The following FRMD7 variants were observed in gnomAD, a reference collection of about 807,000 sequenced individuals.
FRMD7 encodes FERM domain-containing protein 7.
Under a neutral mutation model 44.1 loss-of-function variants are expected in FRMD7, and 14 were observed. The observed-to-expected ratio is 0.32, with a 90% confidence interval of 0.21 to 0.50. The LOEUF is 0.50. FRMD7 is among the 20% of genes least tolerant of loss of function. The pLI is 0.99. For missense variants in FRMD7, 501 were observed against 522.3 expected (o/e 0.96, Z 0.40); for synonymous variants, 212 against 187.4 (o/e 1.13, Z -1.07).
At chrX:132,090,076 T>C (rs943372347) in intron 5 of FRMD7, among the ~76,000 whole-genome samples, 2 of 111,717 alleles carry the variant, frequency 1.8e-5, no homozygotes, top group African/African-American at 6.5e-5. Flanking sequence ...CACGACCAGG[T>C]GAATAGATAA....
chrX:132,127,946 C>T lies in FRMD7; in HGVS notation c.-102G>A, dbSNP rs1057515773. ...GATGTGGTGCACTCGGGCCCCCCCA[C>T]CCCCAGCCAGGCATTCCCACTGTCA... is the stretch of plus-strand genomic sequence containing the variant. On this transcript the variant is annotated 5_prime_UTR_variant, in exon 1 of 12. The change creates a new upstream start codon in the 5' untranslated region. Coordinates refer to ENST00000298542, the MANE Select transcript of FRMD7 (RefSeq NM_194277.3). 9.7e-5 allele frequency: 66 copies of T among 682,466 alleles called. No individual in the cohort carries two copies. The South Asian group carries it at 1.4e-3, about 15-fold the overall frequency. The allele number at this position is 682,466 out of a possible 1,213,427, so 56.2% of individuals were successfully genotyped here. A position where few individuals can be genotyped will look rare whatever the true frequency, so the allele number is the denominator to read the frequency against.
chrX:132,110,833 G>C (rs985860280), intron 1 of FRMD7, among the ~76,000 whole-genome samples: 5 of 112,485 alleles, frequency 4.4e-5, no homozygotes, highest in Admixed American at 1.9e-4. Context: ...CTTTCTGCTG[G>C]CATTAACTTA....
Position 132,085,737 on chromosome X carries a change from G to A in FRMD7, c.498-9C>T. On this transcript the variant is annotated splice_polypyrimidine_tract_variant and intron_variant, in intron 6 of 11. Transcript: ENST00000298542. ...CAGCTGGGCTCCTGCCACTGAAAGG[G>A]GAAAGAATTTATGAGCCTAATAAAT... 1 of 1,205,965 alleles carries A rather than the reference G, an allele frequency of 8.3e-7. No individual in the cohort carries two copies. Among genetic ancestry groups the A allele is most frequent in the Non-Finnish European group, 1.1e-6 (1 of 890,355 alleles).
chrX:132,084,095 T>C (rs1330949317), intron 8 of FRMD7, among the ~76,000 whole-genome samples: 2 of 111,637 alleles, frequency 1.8e-5, no homozygotes, highest in Non-Finnish European at 3.8e-5. Flanking sequence ...ATACTAGGTG[T>C]TCAATAATTT....
At position 132,077,994 on chromosome X, in the gene FRMD7, C is replaced by T. The variant is rs748600073; in HGVS notation, c.2023G>A (p.Ala675Thr). ...CTACCAGAAGACAGGCGGATTCTGG[C>T]CATGGGTGACCTTATTTCTTTGCCA... Reference protein sequence around the residue: ...LYGKEIRSPMARIRLSSGSLQ... With the variant: ...LYGKEIRSPMTRIRLSSGSLQ... The change falls in exon 12 of 12, where the codon GCC becomes ACC. Residue 675 changes from alanine to threonine, a missense_variant. Physicochemically the swap from Ala to Thr is moderately conservative, Grantham distance 58. Around this residue, in one of 3 missense-constraint regions of FRMD7, gnomAD observed 453 missense variants for 452.7 expected, o/e 1.00. Transcript: ENST00000298542. 56 of 1,208,321 alleles carry T rather than the reference C, an allele frequency of 4.6e-5. No homozygotes were observed. In the Admixed American group the frequency reaches 1.2e-3, roughly 26 times the overall value.
At chrX:132,126,390 A>G (rs767425109) in intron 1 of FRMD7, among the ~76,000 whole-genome samples, 1 of 111,778 alleles carries the variant, frequency 8.9e-6, no homozygotes, top group African/African-American at 3.3e-5. Context: ...TTTGACTTGA[A>G]GCCAAATCAA....
At chrX:132,122,670 T>C (rs752888564) in intron 1 of FRMD7, among the ~76,000 whole-genome samples, 157 of 112,457 alleles carry the variant, frequency 1.4e-3, no homozygotes, top group Admixed American at 2.1e-3. Context: ...AATATCGATG[T>C]TTGGGCATAT....
chrX:132,127,453 G>A (rs1929183539), intron 1 of FRMD7, among the ~76,000 whole-genome samples: 1 of 111,995 alleles, frequency 8.9e-6, no homozygotes, highest in African/African-American at 3.2e-5. Context: ...CTCATGGGGT[G>A]AGACCCACAG....
intron 5 of FRMD7, among the ~76,000 whole-genome samples, chrX:132,091,237 C>G (rs1157080351): frequency 9.0e-6 from 1 of 111,113 alleles, no homozygotes; most frequent in Admixed American, 9.6e-5. Context: ...CCTCAGTCTC[C>G]CAAAGTGCTG....
chrX:132,107,827 TTTTGTTACCATA>T (rs1367778598), intron 1 of FRMD7, among the ~76,000 whole-genome samples: 2 of 111,881 alleles, frequency 1.8e-5, no homozygotes, highest in African/African-American at 6.5e-5. Flanking sequence ...GATGGTCCAC[TTTTGTTACCATA>T]TTTGCTTTTT....
intron 1 of FRMD7, among the ~76,000 whole-genome samples, chrX:132,107,123 A>G (rs1928666214): frequency 8.9e-6 from 1 of 112,326 alleles, no homozygotes; most frequent in Admixed American, 9.5e-5. Context: ...TCAGGAAAAG[A>G]TAGATTGGAA....
At position 132,078,240 on chromosome X, in the gene FRMD7, G is replaced by A. The variant is rs773063259; in HGVS notation, c.1777C>T (p.Gln593Ter). 1 of 1,211,248 alleles carries A rather than the reference G, an allele frequency of 8.3e-7. No individual in the cohort carries two copies. The highest frequency in any genetic ancestry group is 1.1e-6 in the Non-Finnish European group (1 of 894,941). The change falls in exon 12 of 12, where the codon CAA becomes TAA. Residue 593 changes from glutamine to a stop codon, truncating the protein, a stop_gained. Coordinates refer to ENST00000298542, the MANE Select transcript of FRMD7 (RefSeq NM_194277.3). LOFTEE classifies it high-confidence loss of function. ...AAACGAATAGTTTTCATGTCTGATTGGCTCTGGGACCTTTTAGGGGTTTGC... is the reference window on the plus strand; with the variant it reads ...AAACGAATAGTTTTCATGTCTGATTAGCTCTGGGACCTTTTAGGGGTTTGC... Reference protein sequence around the residue: ...QEQTPKRSQSQSDMKTIRFPF... With the variant: ...QEQTPKRSQS
chrX:132,081,075 C>T (rs1312029592), intron 9 of FRMD7, among the ~76,000 whole-genome samples: 2 of 111,572 alleles, frequency 1.8e-5, no homozygotes, highest in Admixed American at 1.9e-4. Context: ...TGGCTCACAC[C>T]TGTAATTCGA....
At chrX:132,100,446 TAAAC>T (rs1199880312) in intron 2 of FRMD7, among the ~76,000 whole-genome samples, 162 bp downstream of exon 2, 1 of 112,295 alleles carries the variant, frequency 8.9e-6, no homozygotes, top group Non-Finnish European at 1.9e-5. Context: ...TGACTGTTAA[TAAAC>T]AAAGAGGGAG....
chrX:132,113,431 T>C (rs1221647348), intron 1 of FRMD7, among the ~76,000 whole-genome samples: 1 of 111,360 alleles, frequency 9.0e-6, no homozygotes, highest in East Asian at 2.8e-4. Flanking sequence ...CCTAGGATCT[T>C]TCAGCAGGTT....
intron 1 of FRMD7, among the ~76,000 whole-genome samples, chrX:132,126,040 C>A (rs1929146771): frequency 9.0e-6 from 1 of 111,541 alleles, no homozygotes; most frequent in South Asian, 3.8e-4. Context: ...AAAGTGCTAT[C>A]CACAGATGAC....
At chrX:132,109,460 T>C (rs1199891281) in intron 1 of FRMD7, among the ~76,000 whole-genome samples, 1 of 111,977 alleles carries the variant, frequency 8.9e-6, no homozygotes, top group African/African-American at 3.2e-5. Context: ...TTCCTTTTTG[T>C]GTATGCCATT....
chrX:132,078,884 C>T lies in FRMD7; in HGVS notation c.1133G>A (p.Ser378Asn). Residue 378 changes from serine to asparagine, a missense_variant, in exon 12 of 12, where the codon AGT becomes AAT. Physicochemically the swap from Ser to Asn is conservative, Grantham distance 46 (BLOSUM62 1). Around this residue, in one of 3 missense-constraint regions of FRMD7, gnomAD observed 453 missense variants for 452.7 expected, o/e 1.00. Coordinates refer to ENST00000298542, the MANE Select transcript of FRMD7 (RefSeq NM_194277.3). Reference sequence around the variant, plus strand: ...CTCCAATGCAGAATTCCTCCTCCTACTCTCCAGCACTGGCTCAGATGCGTG... The same window carrying T: ...CTCCAATGCAGAATTCCTCCTCCTATTCTCCAGCACTGGCTCAGATGCGTG... ...GVHASEPVLE[S>N]RRRNSALEVT... is the part of the protein sequence containing the mutation. The T allele has an allele frequency of 8.3e-7, 1 of 1,204,519 alleles. No individual in the cohort carries two copies. Among genetic ancestry groups the T allele is most frequent in the Non-Finnish European group, 1.1e-6 (1 of 889,118 alleles).
At chrX:132,106,512 C>G (rs781176007) in intron 1 of FRMD7, among the ~76,000 whole-genome samples, 1 of 111,883 alleles carries the variant, frequency 8.9e-6, no homozygotes, top group East Asian at 2.8e-4. Flanking sequence ...ACCCAGCAAT[C>G]CCATTATTGT....
Sources: allele counts gnomAD v4.1 joint callset (sites outside exome capture counted in the v4.1 genomes callset), GRCh38; gene constraint gnomAD v4.1.1; regional missense constraint gnomAD v4.1.1; transcripts MANE v1.5; gene names NCBI Gene and HGNC (gene_info 2026-07-23, HGNC 2026-07-21).